Variants in DPYD observed in about 807,000 individuals in gnomAD.
DPYD encodes dihydropyrimidine dehydrogenase [NADP(+)].
Under a neutral mutation model 116.2 loss-of-function variants are expected in DPYD, and 109 were observed. The ratio of observed to expected loss-of-function variants is 0.94; its 90% confidence interval spans 0.80 to 1.10. The LOEUF (loss-of-function observed/expected upper bound fraction) is 1.10, where lower values mean the gene tolerates loss of function less well. Among genes scored for constraint, DPYD ranks in the 50% least tolerant of loss-of-function variants. DPYD has a pLI of 0.00. For synonymous variants in DPYD, 440 were observed against 432.0 expected (o/e 1.02, Z -0.23); for missense variants, 1,302 against 1,254.5 (o/e 1.04, Z -0.57).
intron 2 of DPYD, among the ~76,000 whole-genome samples, chr1:97,870,568 A>C (rs1443925302): frequency 1.3e-5 from 2 of 151,840 alleles, no homozygotes; most frequent in Non-Finnish European, 2.9e-5. Context: ...TGCAATATTA[A>C]TGATCTCACT....
chr1:97,545,104 T>A (rs889227793), intron 12 of DPYD, among the ~76,000 whole-genome samples: 1 of 152,170 alleles, frequency 6.6e-6, no homozygotes, highest in African/African-American at 2.4e-5. Flanking sequence ...ACCAGTTATA[T>A]AGAAAAGAGA....
chr1:97,791,887 A>C (rs2101273077), intron 3 of DPYD, among the ~76,000 whole-genome samples: 1 of 152,362 alleles, frequency 6.6e-6, no homozygotes, highest in African/African-American at 2.4e-5. Context: ...ATAGAAAGGA[A>C]GTTAGTAATG....
intron 16 of DPYD, among the ~76,000 whole-genome samples, chr1:97,335,535 T>C (rs560381053): frequency 2.0e-4 from 30 of 151,050 alleles, no homozygotes; most frequent in Admixed American, 8.6e-4. Flanking sequence ...TAATGCTGTG[T>C]TTCTCCATGG....
At chr1:97,407,045 C>T (rs539270959) in intron 14 of DPYD, among the ~76,000 whole-genome samples, 1 of 152,216 alleles carries the variant, frequency 6.6e-6, no homozygotes, top group South Asian at 2.1e-4. Context: ...TGTTATTATG[C>T]ATTTATATTC....
At chr1:97,666,542 T>C (rs771830504) in intron 8 of DPYD, among the ~76,000 whole-genome samples, 1 of 152,130 alleles carries the variant, frequency 6.6e-6, no homozygotes, top group Non-Finnish European at 1.5e-5. Context: ...TTATTGAAGA[T>C]GTACTTTAAA....
intron 18 of DPYD, among the ~76,000 whole-genome samples, chr1:97,291,503 A>G (rs1352867330): frequency 6.6e-6 from 1 of 152,220 alleles, no homozygotes; most frequent in African/African-American, 2.4e-5. Context: ...AATACTATGC[A>G]GCCATAAAAA....
At chr1:97,720,754 C>A in intron 5 of DPYD, 1 of 1,449,708 alleles carries the variant, frequency 6.9e-7, no homozygotes, top group East Asian at 2.6e-5. Flanking sequence ...GCCAACTAGT[C>A]TCCAAAGATT....
chr1:97,702,902 A>G (rs967376950), intron 5 of DPYD, among the ~76,000 whole-genome samples: 2 of 151,990 alleles, frequency 1.3e-5, no homozygotes, highest in East Asian at 3.8e-4. Context: ...CAGAATCCCT[A>G]TTAAGTACCC....
At chr1:97,108,350 T>C (rs750453839) in intron 20 of DPYD, among the ~76,000 whole-genome samples, 7 of 152,080 alleles carry the variant, frequency 4.6e-5, no homozygotes, top group Admixed American at 1.3e-4. Flanking sequence ...ATCTATGAGG[T>C]CCCTCCCAGT....
Position 97,328,515 on chromosome 1 carries a change from T to A in DPYD, c.2059-22218A>T, listed in dbSNP as rs1218502678. 2.0e-5 allele frequency among the ~76,000 whole-genome samples: 3 copies of A among 152,188 alleles called. No individual in the cohort carries two copies. In the East Asian group the frequency reaches 5.8e-4, roughly 29 times the overall value. On this transcript the variant is annotated intron_variant, in intron 16 of 22. Transcript: ENST00000370192. The stretch of plus-strand genomic sequence containing the variant: ...TATCACACACACTTGCTCCTGCCCT[T>A]GAGTGAATTTACTCATTTACTTTTC...
intron 3 of DPYD, among the ~76,000 whole-genome samples, chr1:97,825,633 AG>A (rs57452698): frequency 0.81 from 89,652 of 110,462 alleles, 35,345 homozygotes; most frequent in East Asian, 0.98. Flanking sequence ...GGGTGGGGGG[AG>A]GGGGGGAGGG....
chr1:97,224,966 T>C (rs1263576218), intron 19 of DPYD, among the ~76,000 whole-genome samples: 1 of 151,984 alleles, frequency 6.6e-6, no homozygotes, highest in East Asian at 1.9e-4. Context: ...CTGCACAGAA[T>C]ATGGGAGTAC....
At chr1:97,518,208 C>T (rs945592725) in intron 12 of DPYD, among the ~76,000 whole-genome samples, 13 of 151,790 alleles carry the variant, frequency 8.6e-5, no homozygotes, top group Non-Finnish European at 1.3e-4. Flanking sequence ...CACACAGACA[C>T]AATTCTTTCA....
At chr1:97,337,991 C>T (rs1437060050) in intron 16 of DPYD, among the ~76,000 whole-genome samples, 2 of 152,274 alleles carry the variant, frequency 1.3e-5, no homozygotes, top group South Asian at 4.1e-4. Flanking sequence ...ACAACTTACA[C>T]CTTGATTCTC....
intron 8 of DPYD, among the ~76,000 whole-genome samples, chr1:97,654,291 A>G (rs988268554): frequency 4.6e-5 from 7 of 152,200 alleles, no homozygotes; most frequent in Admixed American, 6.6e-5. Flanking sequence ...TGAAATTATT[A>G]GAAATCAATA....
intron 3 of DPYD, among the ~76,000 whole-genome samples, chr1:97,749,668 G>A (rs993327139): frequency 6.6e-6 from 1 of 152,030 alleles, no homozygotes; most frequent in African/African-American, 2.4e-5. Context: ...GAAGCCCAAG[G>A]TTCAGAGTAT....
At chr1:97,170,384 A>T (rs1313289392) in intron 20 of DPYD, among the ~76,000 whole-genome samples, 1 of 152,192 alleles carries the variant, frequency 6.6e-6, no homozygotes, top group Non-Finnish European at 1.5e-5. Flanking sequence ...TCTGAAGCCC[A>T]TTCGAGTACT....
At chr1:97,605,961 C>A (rs1224960915) in intron 8 of DPYD, among the ~76,000 whole-genome samples, 5 of 152,080 alleles carry the variant, frequency 3.3e-5, no homozygotes, top group African/African-American at 1.2e-4. Context: ...CACTTTAAAA[C>A]ATTCAGTCCC....
chr1:97,085,494 T>C (rs1649449119), intron 21 of DPYD, among the ~76,000 whole-genome samples: 1 of 152,242 alleles, frequency 6.6e-6, no homozygotes, highest in Non-Finnish European at 1.5e-5. Flanking sequence ...CCTTATTAAG[T>C]ACAATTTTTT....
Sources: allele counts gnomAD v4.1 joint callset (sites outside exome capture counted in the v4.1 genomes callset), GRCh38; gene constraint gnomAD v4.1.1; transcripts MANE v1.5; gene names NCBI Gene and HGNC (gene_info 2026-07-23, HGNC 2026-07-21).